Variants in RASA3 observed in about 807,000 individuals in gnomAD.
RASA3 encodes the protein ras GTPase-activating protein 3.
A neutral mutation model predicts 110.0 loss-of-function variants in RASA3; 73 were observed. That is an observed-to-expected ratio of 0.66 (90% CI 0.55 to 0.81). The LOEUF (loss-of-function observed/expected upper bound fraction) is 0.81. RASA3 is among the 30% of genes least tolerant of loss of function. The pLI is 0.00. For missense variants in RASA3, 976 were observed against 1,113.2 expected, an observed-to-expected ratio of 0.88 and a Z score of 1.75; for synonymous variants, 500 against 451.4, an observed-to-expected ratio of 1.11 and a Z score of -1.37.
chr13:114,007,804 G>A (rs930549422), intron 17 of RASA3, among the ~76,000 whole-genome samples, 198 bp from the exon 18 acceptor site: 1 of 152,228 alleles, frequency 6.6e-6, no homozygotes, highest in African/African-American at 2.4e-5. Flanking sequence ...CACTGCCACA[G>A]AGATCTCAGG....
chr13:114,076,626 C>T (rs1261416358), intron 1 of RASA3, among the ~76,000 whole-genome samples: 2 of 152,204 alleles, frequency 1.3e-5, no homozygotes, highest in African/African-American at 2.4e-5. Context: ...AGTTCACAGG[C>T]ACGAAGGGGA....
intron 9 of RASA3, among the ~76,000 whole-genome samples, chr13:114,019,226 G>T (rs1005615376): frequency 2.6e-5 from 4 of 152,190 alleles, no homozygotes; most frequent in African/African-American, 9.7e-5. Flanking sequence ...TCAGTGACCC[G>T]CCCTAAGACC....
chr13:114,031,676 T>C (rs980951028), intron 4 of RASA3, among the ~76,000 whole-genome samples: 3 of 152,178 alleles, frequency 2.0e-5, no homozygotes, highest in Non-Finnish European at 2.9e-5. Flanking sequence ...TGTGTGCCGC[T>C]GTCCCTGTAT....
intron 1 of RASA3, among the ~76,000 whole-genome samples, chr13:114,131,543 G>T (rs9525278): frequency 2.6e-5 from 4 of 152,184 alleles, no homozygotes; most frequent in Non-Finnish European, 5.9e-5. Flanking sequence ...AAACGCCTCC[G>T]GGAGCCCACT....
chr13:114,043,252 G>A (rs2054454379), intron 3 of RASA3, among the ~76,000 whole-genome samples: 1 of 152,188 alleles, frequency 6.6e-6, no homozygotes, highest in Non-Finnish European at 1.5e-5. Context: ...GGTGCGGAAG[G>A]TGGAAAGAGG....
In RASA3 at chr13:114,112,767, G is replaced by A. The variant is rs1340428379; in HGVS notation, c.55+19668C>T. On this transcript the variant is annotated intron_variant, in intron 1 of 23. Coordinates refer to ENST00000334062, the MANE Select transcript of RASA3 (RefSeq NM_007368.4). The surrounding 1 kb of genome is among the most constrained non-coding windows in gnomAD (Gnocchi z 4.8). Reference sequence around the variant, plus strand: ...GACTGCCAGCGTCCACTCCCCGTGGGGCCGCAGGGTACACCAACATCTGAG... The same window carrying A: ...GACTGCCAGCGTCCACTCCCCGTGGAGCCGCAGGGTACACCAACATCTGAG... Among the ~76,000 whole-genome samples the A allele has an allele frequency of 1.3e-5, 2 of 152,020 alleles. No individual in the cohort carries two copies. The highest frequency in any genetic ancestry group is 2.9e-5 in the Non-Finnish European group (2 of 67,984).
chr13:114,007,704 G>T, intron 17 of RASA3, 98 bp from the exon 18 acceptor site: 1 of 986,958 alleles, frequency 1.0e-6, no homozygotes, highest in Non-Finnish European at 1.6e-6. Context: ...TGCCTCCTTT[G>T]TAATACCAGT....
intron 18 of RASA3, among the ~76,000 whole-genome samples, chr13:114,002,979 G>T (rs2053438594): frequency 6.6e-6 from 1 of 152,196 alleles, no homozygotes; most frequent in Non-Finnish European, 1.5e-5. Flanking sequence ...CTGAGAGACG[G>T]CAGAGGTGTG....
rs1217837645 is a variant in RASA3 at position 114,048,714 on chromosome 13, C to A, written c.277+3338G>T. The stretch of plus-strand genomic sequence containing the variant: ...AGGTCACGGCCCTGCAGCTGGGAGC[C>A]CGGCTTGACTGACAGTTCCCGCCGG... On this transcript the variant is annotated intron_variant, in intron 3 of 23. Coordinates refer to ENST00000334062, the MANE Select transcript of RASA3 (RefSeq NM_007368.4). The surrounding 1 kb of genome is among the most constrained non-coding windows in gnomAD (Gnocchi z 4.3). Among the ~76,000 whole-genome samples the A allele has an allele frequency of 2.0e-5, 3 of 152,206 alleles. No homozygotes were observed. In the South Asian group the frequency reaches 6.2e-4, roughly 32 times the overall value.
At chr13:114,013,379 G>A (rs1438361408) in intron 14 of RASA3, 131 bp from the exon 15 acceptor site, 2 of 267,554 alleles carry the variant, frequency 7.5e-6, no homozygotes, top group East Asian at 6.9e-5. Flanking sequence ...ACCTGTGTCT[G>A]TCTCTCTCCC....
At position 114,114,044 on chromosome 13, in the gene RASA3, T is replaced by G. The variant is rs9525269; in HGVS notation, c.55+18391A>C. Among the ~76,000 whole-genome samples, 2 of 109,424 alleles carry G rather than the reference T, an allele frequency of 1.8e-5. No homozygotes were observed. The highest frequency in any genetic ancestry group is 1.9e-5 in the Non-Finnish European group (1 of 52,578). 71.8% of individuals were successfully genotyped at this position (109,424 alleles called of 152,430 possible). A position where few individuals can be genotyped will look rare whatever the true frequency, so the allele number is the denominator to read the frequency against. On this transcript the variant is annotated intron_variant, in intron 1 of 23. Coordinates refer to ENST00000334062, the MANE Select transcript of RASA3 (RefSeq NM_007368.4). The surrounding 1 kb of genome is among the most constrained non-coding windows in gnomAD (Gnocchi z 4.8). The stretch of plus-strand genomic sequence containing the variant: ...CCCACCATGGCGAGTGATGTCCGTA[T>G]AGCTCACACCGCATCCATCAATCCA...
chr13:114,055,092 G>GTGTGTGCCC (rs2079218543), intron 2 of RASA3, among the ~76,000 whole-genome samples: 2 of 152,202 alleles, frequency 1.3e-5, no homozygotes, highest in Admixed American at 1.3e-4. Context: ...GTGTGTGCAT[G>GTGTGTGCCC]TGTGTGCCCG....
At chr13:114,016,965 G>A (rs1465549744) in intron 12 of RASA3, among the ~76,000 whole-genome samples, 2 of 152,182 alleles carry the variant, frequency 1.3e-5, no homozygotes, top group African/African-American at 4.8e-5. Context: ...AGGTCTCCCT[G>A]GGAAGAGCCA....
chr13:114,029,864 C>G lies in RASA3; in HGVS notation c.396G>C (p.Arg132=), dbSNP rs2054113230. The stretch of plus-strand genomic sequence containing the variant: ...CAGTGTCTGTGATGACCTCGCTCAG[C>G]CGCAGCTCCAGGTGCACTTTGCCCT... The part of the protein sequence containing the change: ...EVQGKVHLEL[R]LSEVITDTGV... Residue 132 remains arginine, a synonymous_variant, in exon 5 of 24, where the codon CGG becomes CGC. Coordinates refer to ENST00000334062, the MANE Select transcript of RASA3 (RefSeq NM_007368.4). 6.4e-7 allele frequency: 1 copy of G among 1,569,746 alleles called. No individual in the cohort carries two copies. Among genetic ancestry groups the G allele is most frequent in the Non-Finnish European group, 8.6e-7 (1 of 1,158,700 alleles).
Position 113,993,721 on chromosome 13 carries a change from T to C in RASA3, c.2142-1133A>G, listed in dbSNP as rs558546643. On this transcript the variant is annotated intron_variant, in intron 21 of 23. Transcript: ENST00000334062. ...TGCCTGGGAGGCTGAGGCAGGAGAA[T>C]CGCTTGAACCTGGAAGGTGGAGGTT... 4.5e-4 allele frequency among the ~76,000 whole-genome samples: 65 copies of C among 143,446 alleles called. No individual in the cohort carries two copies. The South Asian group carries it at 4.7e-3, about 10-fold the overall frequency. 94.1% of individuals were successfully genotyped at this position (143,446 alleles called of 152,430 possible).
intron 22 of RASA3, among the ~76,000 whole-genome samples, chr13:113,989,883 ACAGGTGAGCC>A (rs2053067872): frequency 1.3e-5 from 2 of 152,218 alleles, no homozygotes; most frequent in African/African-American, 4.8e-5. Context: ...CTTTGGTGAC[ACAGGTGAGCC>A]CAGGTGATGT....
intron 9 of RASA3, among the ~76,000 whole-genome samples, chr13:114,019,710 G>A (rs530760146): frequency 1.4e-5 from 2 of 144,706 alleles, no homozygotes; most frequent in Non-Finnish European, 3.0e-5. Context: ...ATTAGCCCCC[G>A]CCAGGTGGGT....
intron 4 of RASA3, among the ~76,000 whole-genome samples, chr13:114,039,946 A>G (rs1351967790): frequency 6.6e-6 from 1 of 152,194 alleles, no homozygotes; most frequent in Non-Finnish European, 1.5e-5. Flanking sequence ...ACGCTCTTTC[A>G]GCTCAGACCC....
chr13:114,097,481 G>A (rs2079961554), intron 1 of RASA3, among the ~76,000 whole-genome samples: 1 of 152,230 alleles, frequency 6.6e-6, no homozygotes, highest in Non-Finnish European at 1.5e-5. Context: ...CGAAGAGGCA[G>A]GCAGCAAATA....
Sources: gnomAD v4.1 joint callset for allele counts (sites outside exome capture counted in the v4.1 genomes callset) on GRCh38, gnomAD v4.1.1 for gene constraint, Gnocchi (gnomAD v3.1) non-coding constraint, MANE v1.5 for transcripts, NCBI Gene and HGNC (gene_info 2026-07-23, HGNC 2026-07-21) for gene names.